PHF14: variants seen among roughly 807,000 people sequenced by gnomAD.
PHF14 encodes the protein PHD finger protein 14.
Under a neutral mutation model 117.9 loss-of-function variants are expected in PHF14, and 55 were observed. The observed-to-expected ratio is 0.47, with a 90% CI of 0.38 to 0.58. The LOEUF is 0.58. PHF14 is among the 20% of genes least tolerant of loss of function. PHF14 has a pLI of 0.00. For synonymous variants in PHF14, 409 were observed against 368.6 expected, an observed-to-expected ratio of 1.11 and a Z score of -1.26; for missense variants, 978 against 1,122.2, an observed-to-expected ratio of 0.87 and a Z score of 1.84.
chr7:11,000,652 G>A (rs947637856), intron 4 of PHF14, among the ~76,000 whole-genome samples: 1 of 152,006 alleles, frequency 6.6e-6, no homozygotes, highest in Non-Finnish European at 1.5e-5. Context: ...TTTACCTTTT[G>A]TATATCTTCT....
chr7:11,140,412 G>T (rs1202613746), intron 17 of PHF14, among the ~76,000 whole-genome samples: 1 of 152,082 alleles, frequency 6.6e-6, no homozygotes, highest in African/African-American at 2.4e-5. Context: ...CATTAGGGCT[G>T]ATATGTAGGT....
At chr7:10,993,414 T>A (rs1485973687) in intron 4 of PHF14, among the ~76,000 whole-genome samples, 1 of 152,180 alleles carries the variant, frequency 6.6e-6, no homozygotes, top group Non-Finnish European at 1.5e-5. Context: ...CTGCCCTTTT[T>A]TTGCTGCTAA....
At chr7:11,139,642 A>G (rs926634205) in intron 17 of PHF14, among the ~76,000 whole-genome samples, 2 of 152,172 alleles carry the variant, frequency 1.3e-5, no homozygotes, top group Non-Finnish European at 2.9e-5. Flanking sequence ...CACTAACCCT[A>G]AAGTACTGGA....
At chr7:11,136,134 A>C (rs1253175801) in intron 17 of PHF14, among the ~76,000 whole-genome samples, 1 of 152,148 alleles carries the variant, frequency 6.6e-6, no homozygotes, top group Non-Finnish European at 1.5e-5. Flanking sequence ...TTACATGGTA[A>C]AATCCTTCAT....
At chr7:11,128,429 C>T (rs1052264294) in intron 17 of PHF14, among the ~76,000 whole-genome samples, 1 of 152,022 alleles carries the variant, frequency 6.6e-6, no homozygotes, top group Non-Finnish European at 1.5e-5. Flanking sequence ...AAAAGTGCCA[C>T]TACCTCCTCT....
rs759747827 is a variant in PHF14 at position 11,111,447 on chromosome 7, T to A, written c.2752T>A (p.Cys918Ser). 6.3e-7 allele frequency: 1 copy of A among 1,586,298 alleles called. No homozygotes were observed. The highest frequency in any genetic ancestry group is 8.6e-7 in the Non-Finnish European group (1 of 1,157,460). Residue 918 changes from cysteine to serine, a missense_variant, in exon 17 of 18, where the codon TGT becomes AGT. Physicochemically the swap from Cys to Ser is moderately radical, Grantham distance 112. Coordinates refer to ENST00000634607, the MANE Select transcript of PHF14 (RefSeq NM_001007157.2). ...AGGCTACGGATGGATATGTCAGGAA[T>A]GTGATTCTTCATCTTCCAAGGTAAG... ...QTGYGWICQE[C>S]DSSSSKEDEN...
intron 16 of PHF14, chr7:11,103,944 A>T: frequency 1.0e-6 from 1 of 983,026 alleles, no homozygotes; most frequent in Non-Finnish European, 1.2e-6. Context: ...AGATAGGACT[A>T]GTTGTCACTA....
chr7:11,007,830 C>T (rs17163897), intron 4 of PHF14, among the ~76,000 whole-genome samples: 5,204 of 152,128 alleles, frequency 0.034, 287 homozygotes, highest in African/African-American at 0.1. Flanking sequence ...GCATAAGGAT[C>T]TTTAAGTTGA....
chr7:10,984,123 A>C (rs1040054801), intron 3 of PHF14, among the ~76,000 whole-genome samples: 1 of 152,200 alleles, frequency 6.6e-6, no homozygotes, highest in Non-Finnish European at 1.5e-5. Flanking sequence ...TCACTGAAGT[A>C]AGTTAAACGG....
At chr7:11,030,235 A>G (rs78874237) in intron 7 of PHF14, among the ~76,000 whole-genome samples, 17,608 of 151,686 alleles carry the variant, frequency 0.12, 1,290 homozygotes, top group African/African-American at 0.21. Context: ...ATGGTGGGCA[A>G]AAGTACGAGA....
chr7:10,997,563 G>A (rs1239978886), intron 4 of PHF14, among the ~76,000 whole-genome samples: 1 of 152,230 alleles, frequency 6.6e-6, no homozygotes, highest in Non-Finnish European at 1.5e-5. Context: ...TGGTTGGGTT[G>A]TTCTGGCTTA....
chr7:11,054,349 A>C (rs1374830610), intron 14 of PHF14, among the ~76,000 whole-genome samples: 2 of 152,148 alleles, frequency 1.3e-5, no homozygotes, highest in African/African-American at 4.8e-5. Flanking sequence ...AAAAGTTGAA[A>C]ATAACTACTA....
chr7:11,057,626 G>A (rs1273250101), intron 14 of PHF14, among the ~76,000 whole-genome samples: 1 of 152,048 alleles, frequency 6.6e-6, no homozygotes. Flanking sequence ...TACCCGCCTC[G>A]GCCTCCCAAA....
At chr7:11,022,545 A>G (rs1362695438) in intron 5 of PHF14, among the ~76,000 whole-genome samples, 3 of 152,146 alleles carry the variant, frequency 2.0e-5, no homozygotes, top group African/African-American at 7.2e-5. Flanking sequence ...TTTCATTTGA[A>G]TAGTAGTTTT....
chr7:11,019,254 G>A (rs1386371493), intron 5 of PHF14, among the ~76,000 whole-genome samples: 1 of 152,140 alleles, frequency 6.6e-6, no homozygotes, highest in Non-Finnish European at 1.5e-5. Flanking sequence ...CTCATAGAAT[G>A]AGTTTGGAAA....
intron 17 of PHF14, among the ~76,000 whole-genome samples, chr7:11,115,358 CATTAA>C (rs1257405363): frequency 6.6e-6 from 1 of 151,978 alleles, no homozygotes; most frequent in African/African-American, 2.4e-5. Flanking sequence ...CAAAATGACT[CATTAA>C]ATTAATTCTA....
At chr7:11,065,778 C>A (rs753268920) in intron 16 of PHF14, among the ~76,000 whole-genome samples, 1 of 152,070 alleles carries the variant, frequency 6.6e-6, no homozygotes, top group Non-Finnish European at 1.5e-5. Context: ...AACTTCTAAA[C>A]CTCAAATTTT....
intron 4 of PHF14, among the ~76,000 whole-genome samples, chr7:11,007,090 TCGCTTGAACCCAGGAG>T (rs1783138372): frequency 6.6e-6 from 1 of 151,738 alleles, no homozygotes; most frequent in Non-Finnish European, 1.5e-5. Flanking sequence ...GGCAGGAGAA[TCGCTTGAACCCAGGAG>T]GGCTTGAACC....
intron 16 of PHF14, among the ~76,000 whole-genome samples, chr7:11,101,111 A>G (rs900241350): frequency 1.3e-5 from 2 of 151,922 alleles, no homozygotes; most frequent in African/African-American, 4.8e-5. Flanking sequence ...GAGAAGTCAC[A>G]TTGCTTATTC....
Sources: gnomAD v4.1 joint callset for allele counts (sites outside exome capture counted in the v4.1 genomes callset) on GRCh38, gnomAD v4.1.1 for gene constraint, MANE v1.5 for transcripts, NCBI Gene and HGNC (gene_info 2026-07-23, HGNC 2026-07-21) for gene names.